NR3C2: variants seen among roughly 807,000 people sequenced by gnomAD.
The protein encoded by NR3C2 is nuclear receptor subfamily 3 group C member 2.
Under a neutral mutation model 86.4 loss-of-function variants are expected in NR3C2, and 15 were observed. That is an observed-to-expected ratio of 0.17 (90% CI 0.12 to 0.27). NR3C2 has a LOEUF of 0.27. Among genes scored for constraint, NR3C2 ranks in the 10% least tolerant of loss-of-function variants. NR3C2 has a pLI of 1.00. For synonymous variants in NR3C2, 458 were observed against 450.5 expected, an observed-to-expected ratio of 1.02 and a Z score of -0.21; for missense variants, 960 against 1,195.6, an observed-to-expected ratio of 0.80 and a Z score of 2.91.
intron 4 of NR3C2, among the ~76,000 whole-genome samples, chr4:148,161,751 A>G (rs1734672212): frequency 6.6e-6 from 1 of 152,206 alleles, no homozygotes; most frequent in Non-Finnish European, 1.5e-5. Context: ...TATAAGAAGT[A>G]CCCAGTTTGT....
chr4:148,228,390 T>G (rs1253746226), intron 3 of NR3C2, among the ~76,000 whole-genome samples: 1 of 152,164 alleles, frequency 6.6e-6, no homozygotes. Flanking sequence ...AGTACTCCAT[T>G]GTGTGGATGT....
chr4:148,373,960 A>G (rs369153763), intron 2 of NR3C2, among the ~76,000 whole-genome samples: 1 of 152,318 alleles, frequency 6.6e-6, no homozygotes, highest in East Asian at 1.9e-4. Context: ...CTTGGACAAC[A>G]GAACCAGGAT....
At chr4:148,306,408 C>G (rs540945794) in intron 2 of NR3C2, among the ~76,000 whole-genome samples, 42 of 152,334 alleles carry the variant, frequency 2.8e-4, no homozygotes, top group Middle Eastern at 3.4e-3. Context: ...ATCAATTTAT[C>G]ACTCCTATGT....
chr4:148,386,090 G>A (rs1747249587), intron 2 of NR3C2, among the ~76,000 whole-genome samples: 1 of 152,118 alleles, frequency 6.6e-6, no homozygotes, highest in Non-Finnish European at 1.5e-5. Context: ...CTATTGGTGT[G>A]TGCAAGATGG....
chr4:148,416,966 G>A (rs1280868944), intron 2 of NR3C2, among the ~76,000 whole-genome samples: 14 of 151,912 alleles, frequency 9.2e-5, no homozygotes, highest in African/African-American at 3.4e-4. Flanking sequence ...TAGTAGAGAC[G>A]GGGTTTCACC....
chr4:148,118,334 A>G (rs899633150), intron 7 of NR3C2, among the ~76,000 whole-genome samples: 5 of 151,898 alleles, frequency 3.3e-5, no homozygotes, highest in African/African-American at 9.7e-5. Flanking sequence ...GGGGTTATCA[A>G]CTTTCTCTGT....
At chr4:148,194,714 A>G in intron 4 of NR3C2, 32 bp downstream of exon 4, 1 of 1,456,116 alleles carries the variant, frequency 6.9e-7, no homozygotes, top group Middle Eastern at 2.1e-4. Flanking sequence ...ACCTATTAAC[A>G]ATTTTTATTA....
At chr4:148,267,185 T>TCAGAACACG (rs1561009381) in intron 2 of NR3C2, among the ~76,000 whole-genome samples, 1 of 152,242 alleles carries the variant, frequency 6.6e-6, no homozygotes, top group Non-Finnish European at 1.5e-5. Context: ...CGACTCAGTA[T>TCAGAACACG]ATTCAAGAAC....
chr4:148,165,776 A>G (rs1734852314), intron 4 of NR3C2, among the ~76,000 whole-genome samples: 1 of 152,362 alleles, frequency 6.6e-6, no homozygotes, highest in South Asian at 2.1e-4. Context: ...ATTTTTCACA[A>G]TTGTTTTAAC....
chr4:148,279,680 T>A (rs1476630147), intron 2 of NR3C2, among the ~76,000 whole-genome samples: 1 of 152,168 alleles, frequency 6.6e-6, no homozygotes, highest in Non-Finnish European at 1.5e-5. Context: ...TTTAATCAAA[T>A]CAAGCATTGC....
intron 3 of NR3C2, among the ~76,000 whole-genome samples, chr4:148,259,084 A>C (rs1739964896): frequency 6.6e-6 from 1 of 152,220 alleles, no homozygotes; most frequent in Admixed American, 6.5e-5. Context: ...CTGGCAAAAC[A>C]CAGGGAAAAC....
At chr4:148,366,256 T>G (rs984019383) in intron 2 of NR3C2, among the ~76,000 whole-genome samples, 12 of 152,108 alleles carry the variant, frequency 7.9e-5, no homozygotes, top group Admixed American at 7.9e-4. Flanking sequence ...GAAAGATATA[T>G]TTGTTTCCAT....
chr4:148,231,504 C>T (rs191953344), intron 3 of NR3C2, among the ~76,000 whole-genome samples: 3 of 152,246 alleles, frequency 2.0e-5, no homozygotes, highest in Admixed American at 2.0e-4. Flanking sequence ...CAAAAAAAAT[C>T]TACACACCTT....
intron 8 of NR3C2, among the ~76,000 whole-genome samples, chr4:148,096,622 T>C (rs1479065737): frequency 6.6e-6 from 1 of 152,214 alleles, no homozygotes; most frequent in Non-Finnish European, 1.5e-5. Flanking sequence ...CAAACTACAG[T>C]TGCAGGTCAA....
intron 8 of NR3C2, among the ~76,000 whole-genome samples, chr4:148,105,418 C>T (rs747904698): frequency 7.2e-5 from 11 of 152,262 alleles, no homozygotes; most frequent in African/African-American, 2.2e-4. Context: ...CAGGACTAGA[C>T]GGATTCACAG....
chr4:148,384,676 T>C (rs886251444), intron 2 of NR3C2, among the ~76,000 whole-genome samples: 2 of 152,220 alleles, frequency 1.3e-5, no homozygotes, highest in Admixed American at 6.5e-5. Context: ...CATGCGTTTA[T>C]CATTCTATAG....
At chr4:148,168,133 C>T (rs1268422243) in intron 4 of NR3C2, among the ~76,000 whole-genome samples, 1 of 152,122 alleles carries the variant, frequency 6.6e-6, no homozygotes, top group Non-Finnish European at 1.5e-5. Context: ...AAGAGGCAGT[C>T]TATATACTTA....
chr4:148,442,433 G>A (rs921150030), upstream of NR3C2: 1 of 161,586 alleles, frequency 6.2e-6, no homozygotes. Flanking sequence ...AGGGGCAGGG[G>A]CAGGGCCAGG....
chr4:148,176,723 T>C (rs1735392821), intron 4 of NR3C2, among the ~76,000 whole-genome samples: 1 of 152,202 alleles, frequency 6.6e-6, no homozygotes, highest in Non-Finnish European at 1.5e-5. Context: ...GCCTACCTTC[T>C]TATTATCACC....
Sources: gnomAD v4.1 joint callset for allele counts (sites outside exome capture counted in the v4.1 genomes callset) on GRCh38, gnomAD v4.1.1 for gene constraint, MANE v1.5 for transcripts, NCBI Gene and HGNC (gene_info 2026-07-23, HGNC 2026-07-21) for gene names.